The following ZFYVE16 variants were observed in gnomAD, a reference collection of about 807,000 sequenced individuals.
ZFYVE16 encodes zinc finger FYVE domain-containing protein 16.
A neutral mutation model predicts 138.1 loss-of-function variants in ZFYVE16; 89 were observed. That is an observed-to-expected ratio of 0.64 (90% CI 0.54 to 0.77). The LOEUF (loss-of-function observed/expected upper bound fraction) is 0.77, where lower values mean the gene tolerates loss of function less well. Among genes scored for constraint, ZFYVE16 ranks in the 30% least tolerant of loss-of-function variants. ZFYVE16 has a pLI of 0.00. For missense variants in ZFYVE16, 1,793 were observed against 1,786.7 expected, an observed-to-expected ratio of 1.00 and a Z score of -0.06; for synonymous variants, 596 against 618.3, an observed-to-expected ratio of 0.96 and a Z score of 0.53.
Position 80,451,471 on chromosome 5 carries a change from GA to G in ZFYVE16, c.3383-13del, listed in dbSNP as rs1236094415. The G allele has an allele frequency of 1.3e-6, 2 of 1,567,600 alleles. No homozygotes were observed. Among genetic ancestry groups the G allele is most frequent in the Admixed American group, 3.8e-5 (2 of 52,486 alleles). The stretch of plus-strand genomic sequence containing the variant: ...AACAACTTAAAATCTTTTTACTAAT[GA>G]TTTTATTTGCAGGAAAATACATAGA... On this transcript the variant is annotated splice_polypyrimidine_tract_variant and intron_variant, in intron 10 of 18. Coordinates refer to ENST00000505560, the MANE Select transcript of ZFYVE16 (RefSeq NM_001284236.3).
At chr5:80,426,996 T>TGATC (rs1748175605) in intron 1 of ZFYVE16, among the ~76,000 whole-genome samples, 1 of 152,182 alleles carries the variant, frequency 6.6e-6, no homozygotes, top group South Asian at 2.1e-4. Context: ...ATTTCTCTAA[T>TGATC]GATCAGTGAT....
intron 15 of ZFYVE16, among the ~76,000 whole-genome samples, chr5:80,471,267 C>G (rs950620526): frequency 1.1e-4 from 17 of 152,250 alleles, no homozygotes; most frequent in African/African-American, 4.1e-4. Context: ...GCTTCACGTC[C>G]TGTTTCTATG....
intron 15 of ZFYVE16, 79 bp downstream of exon 15, chr5:80,459,573 C>G: frequency 4.0e-6 from 5 of 1,249,130 alleles, no homozygotes; most frequent in Non-Finnish European, 5.7e-6. Flanking sequence ...GATATTTACA[C>G]AAGAACATAT....
chr5:80,423,182 A>T (rs1272102764), intron 1 of ZFYVE16, among the ~76,000 whole-genome samples: 1 of 152,124 alleles, frequency 6.6e-6, no homozygotes, highest in Non-Finnish European at 1.5e-5. Context: ...AACGTTATTA[A>T]TTATTTATTT....
chr5:80,437,784 T>C lies in ZFYVE16; in HGVS notation c.1099T>C (p.Ser367Pro), dbSNP rs1410228671. 2 of 1,614,116 alleles carry C rather than the reference T, an allele frequency of 1.2e-6. No individual in the cohort carries two copies. The highest frequency in any genetic ancestry group is 1.7e-6 in the Non-Finnish European group (2 of 1,179,982). ...IQDSSSALHVSSKDVPSSLSC... is the reference protein window; with the variant it reads ...IQDSSSALHVPSKDVPSSLSC... ...AGATTCCTCTTCAGCTTTACATGTT[T>C]CCAGTAAAGATGTGCCGTCCTCATT... The change falls in exon 4 of 19, where the codon TCC becomes CCC. Residue 367 changes from serine to proline, a missense_variant. Transcript: ENST00000505560.
At chr5:80,430,730 G>T (rs998455788) in intron 2 of ZFYVE16, among the ~76,000 whole-genome samples, 13 of 152,066 alleles carry the variant, frequency 8.5e-5, no homozygotes, top group African/African-American at 3.1e-4. Context: ...GAATCAAATA[G>T]ACGCAATAAA....
intron 3 of ZFYVE16, 31 bp from the exon 4 acceptor site, chr5:80,436,725 T>A (rs183981845): frequency 6.5e-7 from 1 of 1,528,470 alleles, no homozygotes; most frequent in East Asian, 2.3e-5. Context: ...TTGATTTAAG[T>A]CTCCCGAATA....
intron 1 of ZFYVE16, among the ~76,000 whole-genome samples, chr5:80,420,593 G>A (rs1408184396): frequency 3.9e-5 from 6 of 152,232 alleles, no homozygotes; most frequent in African/African-American, 1.4e-4. Flanking sequence ...ATGGTTTCCA[G>A]CTTCATCCAT....
intron 11 of ZFYVE16, chr5:80,455,466 G>A (rs1335383112): frequency 6.9e-6 from 3 of 434,878 alleles, no homozygotes; most frequent in Admixed American, 8.5e-5. Context: ...CCCAGGAAGT[G>A]GAGGTTGCAA....
At chr5:80,451,380 T>C (rs1751974186) in intron 10 of ZFYVE16, 105 bp from the exon 11 acceptor site, 2 of 796,904 alleles carry the variant, frequency 2.5e-6, no homozygotes, top group Non-Finnish European at 3.9e-6. Context: ...TGGGACAGTT[T>C]ATATGTATTG....
chr5:80,423,220 G>A (rs1747501696), intron 1 of ZFYVE16, among the ~76,000 whole-genome samples: 1 of 152,034 alleles, frequency 6.6e-6, no homozygotes, highest in South Asian at 2.1e-4. Context: ...TAGGGATTTT[G>A]GGTTATCTGT....
chr5:80,460,139 T>G (rs898308171), intron 15 of ZFYVE16, among the ~76,000 whole-genome samples: 7 of 152,188 alleles, frequency 4.6e-5, no homozygotes, highest in Admixed American at 3.9e-4. Context: ...TGGTCTACAT[T>G]TTCTCCAAAC....
At chr5:80,420,730 A>C (rs1324419588) in intron 1 of ZFYVE16, among the ~76,000 whole-genome samples, 1 of 152,152 alleles carries the variant, frequency 6.6e-6, no homozygotes, top group African/African-American at 2.4e-5. Flanking sequence ...AGTCTTTGCT[A>C]TTGTGAATAG....
intron 18 of ZFYVE16, among the ~76,000 whole-genome samples, chr5:80,475,577 C>A (rs1387179069): frequency 2.6e-5 from 4 of 152,218 alleles, no homozygotes; most frequent in South Asian, 4.1e-4. Context: ...TATGCATCTA[C>A]AAGCAAATAA....
intron 4 of ZFYVE16, among the ~76,000 whole-genome samples, chr5:80,439,246 A>G (rs1341996550): frequency 6.6e-6 from 1 of 152,238 alleles, no homozygotes; most frequent in Non-Finnish European, 1.5e-5. Context: ...AGAAACAATT[A>G]TTTAGTTACT....
chr5:80,439,157 A>G (rs1444442345), intron 4 of ZFYVE16, 150 bp downstream of exon 4: 4 of 865,460 alleles, frequency 4.6e-6, no homozygotes, highest in African/African-American at 1.7e-5. Context: ...AAATATATAA[A>G]GCAGTGTCAT....
intron 17 of ZFYVE16, 127 bp from the exon 18 acceptor site, chr5:80,474,534 TAC>T: frequency 1.1e-6 from 1 of 936,302 alleles, no homozygotes. Context: ...AAGCTATCGA[TAC>T]AGAATTCTCA....
Position 80,427,554 on chromosome 5 carries a change from A to G in ZFYVE16, c.-40+9A>G, listed in dbSNP as rs191131731. 3 of 105,436 alleles carry G rather than the reference A, an allele frequency of 2.8e-5. No homozygotes were observed. Among genetic ancestry groups the G allele is most frequent in the Admixed American group, 9.5e-5 (1 of 10,546 alleles). The allele number at this position is 105,436 out of a possible 1,614,324, so 6.5% of individuals were successfully genotyped here. ...TCTGTTCCAGACCAGAGGTTCGTCT[A>G]CTTTTTTCATCTTTTCATAAAACTA... On this transcript the variant is annotated intron_variant, in intron 2 of 18. Transcript: ENST00000505560.
Position 80,434,222 on chromosome 5 carries a change from G to T in ZFYVE16, c.70+5G>T. 6.2e-7 allele frequency: 1 copy of T among 1,612,596 alleles called. No individual in the cohort carries two copies. The highest frequency in any genetic ancestry group is 8.5e-7 in the Non-Finnish European group (1 of 1,179,162). The stretch of plus-strand genomic sequence containing the variant: ...ATGATTTTGAACAGAACCCAGGTTT[G>T]TTGATTTTCCATTTTTGCCGCTAAT... On this transcript the variant is annotated splice_donor_5th_base_variant and intron_variant, in intron 3 of 18. Transcript: ENST00000505560.
Sources: gnomAD v4.1 joint callset for allele counts (sites outside exome capture counted in the v4.1 genomes callset) on GRCh38, gnomAD v4.1.1 for gene constraint, MANE v1.5 for transcripts, NCBI Gene and HGNC (gene_info 2026-07-23, HGNC 2026-07-21) for gene names.